The following C3orf52 variants were observed in gnomAD, a reference collection of about 807,000 sequenced individuals.
The protein encoded by C3orf52 is chromosome 3 open reading frame 52.
Under a neutral mutation model 24.8 loss-of-function variants are expected in C3orf52, and 22 were observed. That is an observed-to-expected ratio of 0.89 (90% confidence interval 0.63 to 1.27). The LOEUF is 1.27. Ranked by LOEUF, C3orf52 falls within the 50% of genes most tolerant of loss-of-function variation. C3orf52 has a pLI of 0.00. For synonymous variants in C3orf52, 93 were observed against 100.2 expected (o/e 0.93, Z 0.43); for missense variants, 265 against 260.7 (o/e 1.02, Z -0.11).
rs1350305893 is a variant in C3orf52 at position 112,109,613 on chromosome 3, G to A, written c.467G>A (p.Ser156Asn). 5.1e-6 allele frequency: 8 copies of A among 1,576,078 alleles called. No individual in the cohort carries two copies. The highest frequency in any genetic ancestry group is 7.0e-6 in the Non-Finnish European group (8 of 1,146,534). The change falls in exon 4 of 6, where the codon AGT becomes AAT. Residue 156 changes from serine to asparagine, a missense_variant and splice_region_variant. Ser to Asn is a conservative substitution (Grantham distance 46). Coordinates refer to ENST00000264848, the MANE Select transcript of C3orf52 (RefSeq NM_024616.3). ...ACTTCAGTTGAAATAGTGGACTTCA[G>A]GTAAGAGTGTGGAACATTACATTTT... ...YFTSVEIVDF[S>N]GENATVTYDL...
In C3orf52 at chr3:112,086,534, C is replaced by T. The variant is rs1334481707; in HGVS notation, c.127C>T (p.Pro43Ser). Reference sequence around the variant, plus strand: ...CTTCCCTTCTTTGGACGAGGAGGTCCCCCCGGCCGAGGTAAGGTCCCCTTG... The same window carrying T: ...CTTCCCTTCTTTGGACGAGGAGGTCTCCCCGGCCGAGGTAAGGTCCCCTTG... ...KVFPSLDEEVPPAEANKESPW... is the reference protein window; with the variant it reads ...KVFPSLDEEVSPAEANKESPW... The change falls in exon 1 of 6, where the codon CCC becomes TCC. Residue 43 changes from proline (P) to serine (S), a missense_variant. Coordinates refer to ENST00000264848, the MANE Select transcript of C3orf52 (RefSeq NM_024616.3). The T allele has an allele frequency of 6.4e-7, 1 of 1,550,870 alleles. No homozygotes were observed. Among genetic ancestry groups the T allele is most frequent in the Non-Finnish European group, 8.7e-7 (1 of 1,146,592 alleles).
Position 112,117,034 on chromosome 3 carries a change from C to A in C3orf52, c.*388C>A. 9.9e-7 allele frequency: 1 copy of A among 1,008,252 alleles called. No individual in the cohort carries two copies. Among genetic ancestry groups the A allele is most frequent in the Non-Finnish European group, 1.4e-6 (1 of 694,772 alleles). 62.5% of individuals were successfully genotyped at this position (1,008,252 alleles called of 1,614,324 possible). A position where few individuals can be genotyped will look rare whatever the true frequency, so the allele number is the denominator to read the frequency against. ...GTGGCGTGATCATGGCACTGCTATT[C>A]TTGAAGCACTCCACCCACCTGGGCT... On this transcript the variant is annotated 3_prime_UTR_variant, in exon 6 of 6. Coordinates refer to ENST00000264848, the MANE Select transcript of C3orf52 (RefSeq NM_024616.3).
chr3:112,123,421 T>C (rs1477558652), intron 4 of C3orf52: 1 of 1,592,630 alleles, frequency 6.3e-7, no homozygotes, highest in Non-Finnish European at 8.6e-7. Context: ...CTTTTATTTG[T>C]TGGTGCTAAA....
intron 4 of C3orf52, among the ~76,000 whole-genome samples, chr3:112,110,911 C>T (rs2074074188): frequency 6.6e-6 from 1 of 152,148 alleles, no homozygotes; most frequent in East Asian, 1.9e-4. Context: ...TGATCTCCTT[C>T]TTTAAAGACC....
intron 2 of C3orf52, among the ~76,000 whole-genome samples, chr3:112,097,502 G>T (rs535933230): frequency 6.6e-6 from 1 of 152,144 alleles, no homozygotes; most frequent in South Asian, 2.1e-4. Context: ...CCTAAGTGAC[G>T]TTGTGTTGAG....
chr3:112,095,912 C>T (rs2073921853), intron 2 of C3orf52, among the ~76,000 whole-genome samples: 1 of 152,120 alleles, frequency 6.6e-6, no homozygotes, highest in Non-Finnish European at 1.5e-5. Flanking sequence ...CAGCCACTTC[C>T]TAATTGCCAA....
chr3:112,086,617 C>G (rs1054060769), intron 1 of C3orf52, 72 bp downstream of exon 1: 106 of 1,493,976 alleles, frequency 7.1e-5, no homozygotes, highest in Admixed American at 3.1e-4. Context: ...CTGGCACCCG[C>G]GAGTTTCGGG....
chr3:112,131,476 A>T (rs1239387550), downstream of C3orf52, among the ~76,000 whole-genome samples: 1 of 152,190 alleles, frequency 6.6e-6, no homozygotes, highest in Non-Finnish European at 1.5e-5. Flanking sequence ...GTTAACGGAA[A>T]CATTTTATTT....
chr3:112,109,454 C>G (rs1190134367), intron 3 of C3orf52, 89 bp from the exon 4 acceptor site: 1 of 681,004 alleles, frequency 1.5e-6, no homozygotes, highest in Non-Finnish European at 2.5e-6. Flanking sequence ...GGAATCTCCT[C>G]TGCCTTAGAA....
At position 112,125,139 on chromosome 3, in the gene C3orf52, G is replaced by A. The variant is rs559880271; in HGVS notation, c.*47-3094G>A. 7.8e-5 allele frequency: 67 copies of A among 861,962 alleles called. No individual in the cohort carries two copies. In the African/African-American group the frequency reaches 1.1e-3, roughly 14 times the overall value. 53.4% of individuals were successfully genotyped at this position (861,962 alleles called of 1,614,324 possible). A position where few individuals can be genotyped will look rare whatever the true frequency, so the allele number is the denominator to read the frequency against. On this transcript the variant is annotated intron_variant, in intron 4 of 4. Coordinates refer to the C3orf52 transcript ENST00000480282. ...CTTTCTCCATGTAAGGGTCAGAAGGGATCTCAGAGGCCAACTTCTCCTGCC... is the reference window on the plus strand; with the variant it reads ...CTTTCTCCATGTAAGGGTCAGAAGGAATCTCAGAGGCCAACTTCTCCTGCC...
chr3:112,126,885 G>T, intron 4 of C3orf52: 1 of 822,062 alleles, frequency 1.2e-6, no homozygotes, highest in Non-Finnish European at 2.1e-6. Flanking sequence ...TGTAGATATT[G>T]TAATTGAAAT....
intron 4 of C3orf52, among the ~76,000 whole-genome samples, chr3:112,125,459 T>C (rs975951862): frequency 6.6e-5 from 10 of 151,904 alleles, no homozygotes; most frequent in Admixed American, 2.0e-4. Flanking sequence ...GCCTGAGAGG[T>C]GAGAGGGGGG....
At chr3:112,106,047 T>A (rs769769305) in intron 3 of C3orf52, among the ~76,000 whole-genome samples, 5 of 152,120 alleles carry the variant, frequency 3.3e-5, no homozygotes. Flanking sequence ...GGCGGACACG[T>A]GGGACAGAAT....
At chr3:112,088,590 A>T (rs1311908850) in intron 1 of C3orf52, among the ~76,000 whole-genome samples, 1 of 147,616 alleles carries the variant, frequency 6.8e-6, no homozygotes, top group African/African-American at 2.6e-5. Context: ...CCTCAAGTTC[A>T]CTCAGTGGTG....
At chr3:112,133,202 T>G (rs2074500829), downstream of C3orf52, 1 of 1,485,992 alleles carries the variant, frequency 6.7e-7, no homozygotes, top group South Asian at 1.1e-5. Flanking sequence ...AACTCCTGAC[T>G]TAAAGAAAGG....
intron 4 of C3orf52, among the ~76,000 whole-genome samples, chr3:112,124,908 G>C (rs2107801688): frequency 6.6e-6 from 1 of 152,292 alleles, no homozygotes; most frequent in Non-Finnish European, 1.5e-5. Flanking sequence ...CGGGGGATGG[G>C]ATGGATTATA....
At chr3:112,087,698 G>C (rs957795957) in intron 1 of C3orf52, among the ~76,000 whole-genome samples, 1 of 152,234 alleles carries the variant, frequency 6.6e-6, no homozygotes, top group South Asian at 2.1e-4. Context: ...GAAGAATGAA[G>C]GTTGAACAAA....
At chr3:112,119,609 A>C, downstream of C3orf52, 1 of 689,226 alleles carries the variant, frequency 1.5e-6, no homozygotes, top group East Asian at 2.7e-5. Flanking sequence ...CTGGACATGA[A>C]TCCTGTCCTA....
downstream of C3orf52, chr3:112,130,799 G>C: frequency 2.3e-6 from 1 of 440,804 alleles, no homozygotes; most frequent in Admixed American, 3.4e-5. Context: ...TCCTCGTCAT[G>C]ACCCTTGAGA....
Sources: allele counts gnomAD v4.1 joint callset (sites outside exome capture counted in the v4.1 genomes callset), GRCh38; gene constraint gnomAD v4.1.1; transcripts MANE v1.5; gene names NCBI Gene and HGNC (gene_info 2026-07-23, HGNC 2026-07-21).